Variants in SGSM1 observed in about 807,000 individuals in gnomAD.
The protein encoded by SGSM1 is RUN and TBC1 domain containing 2.
Under a neutral mutation model 133.8 loss-of-function variants are expected in SGSM1, and 73 were observed. That is an observed-to-expected ratio of 0.55 (90% CI 0.45 to 0.66). The LOEUF is 0.66. Among genes scored for constraint, SGSM1 ranks in the 30% least tolerant of loss-of-function variants. The pLI is 0.00. For missense variants in SGSM1, 1,213 were observed against 1,448.1 expected (o/e 0.84, Z 2.64); for synonymous variants, 563 against 573.0 (o/e 0.98, Z 0.25).
rs774720650 is a variant in SGSM1, at chr22:24,868,436, G to A, written c.1055G>A (p.Arg352His). 9.3e-6 allele frequency: 15 copies of A among 1,613,738 alleles called. No individual in the cohort carries two copies. Among genetic ancestry groups the A allele is most frequent in the African/African-American group, 1.3e-5 (1 of 74,878 alleles). ...SQDGIQRPPF[R>H]FPKGGHLLQF... is the part of the protein sequence containing the mutation. ...GACGGGATCCAGAGGCCGCCCTTCC[G>A]CTTCCCCAAGGGCGGGCACCTCCTG... Residue 352 changes from arginine to histidine, a missense_variant, in exon 11 of 25, where the codon CGC (arginine) becomes CAC (histidine). Transcript: ENST00000400358.
rs185478834 is a variant in SGSM1 at position 24,825,725 on chromosome 22, G to A, written c.64-19172G>A. ...GATTACAGGCGTGAGGCACTGTGGC[G>A]GGCCTGAGAGTTATTTTTAAAGCCA... On this transcript the variant is annotated intron_variant, in intron 2 of 24. Coordinates refer to ENST00000400358, the MANE Select transcript of SGSM1 (RefSeq NM_001098497.3). Among the ~76,000 whole-genome samples the A allele has an allele frequency of 2.6e-3, 398 of 152,264 alleles. 3 individuals are homozygous for A. The highest frequency in any genetic ancestry group is 9.0e-3 in the African/African-American group (376 of 41,554).
rs1931800494 is a variant in SGSM1, at chr22:24,872,230, C to G, written c.1291+3375C>G. ...CCACAGATGTTTCTAAGCTGCCTCT[C>G]AGTGTCTCATCAGACCTGTCTCCGC... On this transcript the variant is annotated intron_variant, in intron 12 of 24. Coordinates refer to ENST00000400358, the MANE Select transcript of SGSM1 (RefSeq NM_001098497.3). Among the ~76,000 whole-genome samples the G allele has an allele frequency of 4.6e-5, 7 of 152,328 alleles. No homozygotes were observed. In the South Asian group the frequency reaches 1.5e-3, roughly 32 times the overall value.
At position 24,912,723 on chromosome 22, in the gene SGSM1, C is replaced by T. The variant is rs1377060503; in HGVS notation, c.2899C>T (p.His967Tyr). Residue 967 changes from histidine (H) to tyrosine (Y), a missense_variant, in exon 22 of 25, where the codon CAC becomes TAC. Transcript: ENST00000400358. ...NFPHGGAMDT[H>Y]FANMRSLIQI... ...CCCCCACGGAGGCGCCATGGACACG[C>T]ACTTTGCAAACATGAGATCGTTGAT... 3.1e-6 allele frequency: 5 copies of T among 1,613,340 alleles called. No homozygotes were observed. Among genetic ancestry groups the T allele is most frequent in the Non-Finnish European group, 4.2e-6 (5 of 1,179,738 alleles).
At chr22:24,873,985 A>G (rs953126284) in intron 12 of SGSM1, among the ~76,000 whole-genome samples, 7 of 152,170 alleles carry the variant, frequency 4.6e-5, no homozygotes, top group African/African-American at 1.4e-4. Context: ...TAATGATAGT[A>G]CTGTACTCAG....
At chr22:24,863,922 G>T (rs9612796) in intron 9 of SGSM1, among the ~76,000 whole-genome samples, 2 of 148,744 alleles carry the variant, frequency 1.3e-5, no homozygotes, top group Admixed American at 1.3e-4. Flanking sequence ...TGTATTTTTA[G>T]TAGAGACGGG....
intron 21 of SGSM1, among the ~76,000 whole-genome samples, chr22:24,909,586 G>T (rs1282777414): frequency 2.0e-5 from 3 of 151,978 alleles, no homozygotes; most frequent in African/African-American, 7.2e-5. Context: ...CTCCCAAGTA[G>T]CTGGGATTAC....
intron 15 of SGSM1, among the ~76,000 whole-genome samples, chr22:24,884,579 A>T (rs546114443): frequency 2.0e-3 from 304 of 152,358 alleles, no homozygotes; most frequent in African/African-American, 7.1e-3. Context: ...AAACACGGTG[A>T]AACCCCATCT....
rs573463812 is a variant in SGSM1 at position 24,879,675 on chromosome 22, A to G, written c.1495+149A>G. The G allele has an allele frequency of 1.6e-5, 13 of 806,384 alleles. No homozygotes were observed. The East Asian group carries it at 3.5e-4, about 22-fold the overall frequency. The allele number at this position is 806,384 out of a possible 1,614,324, so 50.0% of individuals were successfully genotyped here. On this transcript the variant is annotated intron_variant, in intron 14 of 24. Coordinates refer to ENST00000400358, the MANE Select transcript of SGSM1 (RefSeq NM_001098497.3). ...GTCTGGTTTCAGTGACGTTACATGA[A>G]CTTCTCTGAGCCTCAGTTTTCTTGT...
chr22:24,878,605 C>G (rs972045556), intron 13 of SGSM1, among the ~76,000 whole-genome samples: 1 of 152,202 alleles, frequency 6.6e-6, no homozygotes, highest in Admixed American at 6.5e-5. Flanking sequence ...AGATATTCTT[C>G]CATTCTATCC....
In SGSM1 at chr22:24,917,739, C is replaced by T. The variant is rs1320343109; in HGVS notation, c.3010C>T (p.Leu1004=). 6.2e-7 allele frequency: 1 copy of T among 1,613,752 alleles called. No individual in the cohort carries two copies. The change falls in exon 23 of 25, where the codon CTG becomes TTG. Residue 1004 remains leucine (L), a synonymous_variant. Transcript: ENST00000400358. ...HFYFCYRWFL[L]DFKRELVYDD... Reference sequence around the variant, plus strand: ...CTACTTCTGCTACCGCTGGTTCCTGCTGGATTTCAAGCGAGGTACAGACTT... The same window carrying T: ...CTACTTCTGCTACCGCTGGTTCCTGTTGGATTTCAAGCGAGGTACAGACTT...
chr22:24,836,251 G>A (rs1929420745), intron 2 of SGSM1, among the ~76,000 whole-genome samples: 1 of 152,166 alleles, frequency 6.6e-6, no homozygotes, highest in African/African-American at 2.4e-5. Flanking sequence ...GCGTCCTCAA[G>A]GTTCATTCGT....
chr22:24,864,116 A>C (rs562519049), intron 9 of SGSM1, among the ~76,000 whole-genome samples: 1 of 152,218 alleles, frequency 6.6e-6, no homozygotes, highest in East Asian at 1.9e-4. Flanking sequence ...GGGTATTCCA[A>C]TGTTAAAGAG....
intron 23 of SGSM1, among the ~76,000 whole-genome samples, chr22:24,919,368 G>A (rs1031022517): frequency 6.6e-6 from 1 of 152,038 alleles, no homozygotes; most frequent in Non-Finnish European, 1.5e-5. Flanking sequence ...GCTTTGAACC[G>A]TTGCTCTATT....
chr22:24,831,561 A>G (rs1929120860), intron 2 of SGSM1, among the ~76,000 whole-genome samples: 1 of 152,044 alleles, frequency 6.6e-6, no homozygotes, highest in African/African-American at 2.4e-5. Context: ...TCATCAGCCA[A>G]ATTTGGCCGA....
intron 9 of SGSM1, among the ~76,000 whole-genome samples, chr22:24,860,578 G>A (rs926435860): frequency 2.6e-5 from 4 of 151,840 alleles, no homozygotes; most frequent in African/African-American, 7.3e-5. Context: ...CCCTGCCCTC[G>A]TGGCCATGAA....
chr22:24,862,172 A>G (rs1339524088), intron 9 of SGSM1, among the ~76,000 whole-genome samples: 1 of 151,074 alleles, frequency 6.6e-6, no homozygotes, highest in Non-Finnish European at 1.5e-5. Context: ...CTGGTCTCGA[A>G]CTCCCAACTT....
At chr22:24,812,397 TGTCA>T (rs1334489139) in intron 2 of SGSM1, among the ~76,000 whole-genome samples, 1 of 152,148 alleles carries the variant, frequency 6.6e-6, no homozygotes, top group Non-Finnish European at 1.5e-5. Flanking sequence ...AAGGTCCCAC[TGTCA>T]GTCCGTGGAG....
intron 3 of SGSM1, 109 bp downstream of exon 3, chr22:24,845,081 C>A: frequency 1.0e-6 from 1 of 977,152 alleles, no homozygotes; most frequent in Non-Finnish European, 1.6e-6. Flanking sequence ...GTTTTGGATT[C>A]CAGAGGGGGA....
At chr22:24,886,404 A>AAG (rs1167651769) in intron 15 of SGSM1, among the ~76,000 whole-genome samples, 196 bp from the exon 16 acceptor site, 12 of 135,972 alleles carry the variant, frequency 8.8e-5, no homozygotes, top group Non-Finnish European at 1.6e-4. Flanking sequence ...TCTCAAAGAG[A>AAG]AGAAGATAGC....
Sources: allele counts gnomAD v4.1 joint callset (sites outside exome capture counted in the v4.1 genomes callset), GRCh38; gene constraint gnomAD v4.1.1; transcripts MANE v1.5; gene names NCBI Gene and HGNC (gene_info 2026-07-23, HGNC 2026-07-21).